Variants in EMSY observed in about 807,000 individuals in gnomAD.
EMSY encodes the protein BRCA2-interacting transcriptional repressor EMSY.
In EMSY, 26 loss-of-function variants were observed where a neutral mutation model predicts 134.6. The ratio of observed to expected loss-of-function variants is 0.19; its 90% CI spans 0.14 to 0.27. The LOEUF is 0.27. EMSY is among the 10% of genes least tolerant of loss of function. The probability of loss-of-function intolerance (pLI) is 1.00; values close to 1 mark genes in which losing one functional copy is unlikely to be tolerated. For missense variants in EMSY, 1,305 were observed against 1,611.4 expected (o/e 0.81, Z 3.26); for synonymous variants, 579 against 577.8 (o/e 1.00, Z -0.03).
chr11:76,516,192 A>T (rs1337036847), exon 11 of EMSY: 15 of 1,614,040 alleles, frequency 9.3e-6, no homozygotes, highest in Non-Finnish European at 1.2e-5. Context: ...CATTGGTCGG[A>T]TGGCTGCAAC....
rs956403701 is a variant in EMSY, at chr11:76,465,198, G to A, written c.831+1118G>A. Among the ~76,000 whole-genome samples, 23 of 152,142 alleles carry A rather than the reference G, an allele frequency of 1.5e-4. No homozygotes were observed. In the East Asian group the frequency reaches 4.4e-3, roughly 29 times the overall value. On this transcript the variant is annotated intron_variant, in intron 7 of 20. Transcript: ENST00000334736. ...TCACCTGTTATTTGCCTATTGAACT[G>A]CCTGGATTGATCCATTTATCTTTCT...
chr11:76,491,342 G>A (rs937253691), intron 8 of EMSY, among the ~76,000 whole-genome samples: 5 of 151,828 alleles, frequency 3.3e-5, no homozygotes, highest in Admixed American at 6.6e-5. Context: ...TGCCATGCCC[G>A]GCTTTTTTTG....
chr11:76,546,290 T>C (rs1209793695), exon 20 of EMSY: 1 of 1,607,598 alleles, frequency 6.2e-7, no homozygotes, highest in Non-Finnish European at 8.5e-7. Flanking sequence ...GCAGAAATTA[T>C]CATCCAGGTA....
At chr11:76,481,066 CAG>C (rs1948958089) in intron 8 of EMSY, among the ~76,000 whole-genome samples, 2 of 152,140 alleles carry the variant, frequency 1.3e-5, no homozygotes, top group African/African-American at 4.8e-5. Context: ...GTTTTTGAGA[CAG>C]AGTCTTTCTT....
chr11:76,517,355 T>C (rs944071094), intron 11 of EMSY, among the ~76,000 whole-genome samples: 3 of 152,190 alleles, frequency 2.0e-5, no homozygotes, highest in Non-Finnish European at 2.9e-5. Flanking sequence ...GAAAGAATCA[T>C]TGTACTCCAG....
At chr11:76,499,795 AGC>A (rs1001575728) in intron 9 of EMSY, among the ~76,000 whole-genome samples, 1 of 151,862 alleles carries the variant, frequency 6.6e-6, no homozygotes, top group Non-Finnish European at 1.5e-5. Flanking sequence ...CTGTTTTCTT[AGC>A]GTTTGCTTAT....
In EMSY at chr11:76,481,959, C is replaced by T. The variant is rs545289211; in HGVS notation, c.1108+9119C>T. Among the ~76,000 whole-genome samples the T allele has an allele frequency of 2.6e-5, 4 of 152,284 alleles. No individual in the cohort carries two copies. The East Asian group carries it at 7.7e-4, about 29-fold the overall frequency. On this transcript the variant is annotated intron_variant, in intron 8 of 20. Coordinates refer to ENST00000334736, the Ensembl canonical transcript of EMSY. ...CTCCATGCCTCCTGACTGGGAGACA[C>T]CTCCCAGTAGGGGTTGATAGACACC...
intron 7 of EMSY, among the ~76,000 whole-genome samples, chr11:76,467,491 C>T (rs540824280): frequency 1.3e-5 from 2 of 152,134 alleles, no homozygotes; most frequent in Non-Finnish European, 2.9e-5. Context: ...TGTTTATCTT[C>T]TATTTCTCCC....
chr11:76,508,577 C>A (rs1329631181), intron 9 of EMSY, among the ~76,000 whole-genome samples: 1 of 152,176 alleles, frequency 6.6e-6, no homozygotes, highest in Non-Finnish European at 1.5e-5. Context: ...TCAGTCTGTT[C>A]TTTGAAGCTT....
chr11:76,519,954 A>T (rs997354805), intron 11 of EMSY, among the ~76,000 whole-genome samples: 4 of 152,120 alleles, frequency 2.6e-5, no homozygotes, highest in African/African-American at 9.7e-5. Context: ...GAATATATAC[A>T]TGAGTTTTAT....
chr11:76,502,461 A>C (rs530234774), intron 9 of EMSY, among the ~76,000 whole-genome samples: 13 of 150,492 alleles, frequency 8.6e-5, no homozygotes, highest in Admixed American at 4.6e-4. Flanking sequence ...ATTAAAAAAA[A>C]AAAAGCATCC....
intron 15 of EMSY, among the ~76,000 whole-genome samples, chr11:76,537,539 G>A (rs1447272608): frequency 6.6e-6 from 1 of 152,166 alleles, no homozygotes; most frequent in Non-Finnish European, 1.5e-5. Flanking sequence ...TCAGTTGTTT[G>A]GCTTAGAGAT....
intron 10 of EMSY, among the ~76,000 whole-genome samples, chr11:76,515,571 T>G (rs932413239): frequency 6.6e-6 from 1 of 152,142 alleles, no homozygotes. Context: ...TCCTGGCAAC[T>G]CTAGGCAGCT....
chr11:76,526,686 C>A (rs761704306), intron 13 of EMSY, 51 bp downstream of exon 14: 9 of 1,441,632 alleles, frequency 6.2e-6, no homozygotes, highest in African/African-American at 1.4e-5. Flanking sequence ...ATTTTCAATT[C>A]TTATAATTCC....
intron 3 of EMSY, among the ~76,000 whole-genome samples, chr11:76,452,538 G>C (rs1947711622): frequency 6.6e-6 from 1 of 152,060 alleles, no homozygotes; most frequent in African/African-American, 2.4e-5. Context: ...CATAAATTCT[G>C]TTTTGTAGCC....
At chr11:76,513,612 G>T in intron 10 of EMSY, 77 bp downstream of exon 11, 2 of 1,482,312 alleles carry the variant, frequency 1.3e-6, no homozygotes, top group South Asian at 1.3e-5. Context: ...CAATATGCTT[G>T]ACACTTGGGA....
At chr11:76,450,907 C>T (rs917407633) in intron 2 of EMSY, among the ~76,000 whole-genome samples, 4 of 151,832 alleles carry the variant, frequency 2.6e-5, no homozygotes, top group Non-Finnish European at 4.4e-5. Flanking sequence ...GATCCTCCCA[C>T]GTCAGCCTCC....
rs1430011117 is a variant in EMSY at position 76,526,445 on chromosome 11, C to A, written c.1822-17C>A. ...TATGCATATAAATCTCTTATATAAT[C>A]ATTGACTTCAATTTAGGGAGAAAAG... On this transcript the variant is annotated splice_polypyrimidine_tract_variant and intron_variant, in intron 12 of 20. Transcript: ENST00000334736. 5 of 1,580,102 alleles carry A rather than the reference C, an allele frequency of 3.2e-6. No individual in the cohort carries two copies. Among genetic ancestry groups the A allele is most frequent in the Middle Eastern group, 1.7e-4 (1 of 5,924 alleles).
chr11:76,511,540 A>G (rs981103103), intron 9 of EMSY, among the ~76,000 whole-genome samples: 1 of 152,082 alleles, frequency 6.6e-6, no homozygotes, highest in African/African-American at 2.4e-5. Context: ...TCTGCTAAAA[A>G]TACAAAAAAA....
Sources: gnomAD v4.1 joint callset for allele counts (sites outside exome capture counted in the v4.1 genomes callset) on GRCh38, gnomAD v4.1.1 for gene constraint, MANE v1.5 for transcripts, NCBI Gene and HGNC (gene_info 2026-07-23, HGNC 2026-07-21) for gene names.